The following FAT1 variants were observed in gnomAD, a reference collection of about 807,000 sequenced individuals.
FAT1 encodes FAT atypical cadherin 1.
FAT1 carries 171 observed loss-of-function variants against 329.8 expected under a neutral mutation model. The observed-to-expected ratio is 0.52, with a 90% CI of 0.46 to 0.59. The LOEUF (loss-of-function observed/expected upper bound fraction) is 0.59. Among genes scored for constraint, FAT1 ranks in the 20% least tolerant of loss-of-function variants. The pLI is 0.00. For missense variants in FAT1, 5,672 were observed against 5,774.4 expected (o/e 0.98, Z 0.57); for synonymous variants, 2,233 against 2,228.6 (o/e 1.00, Z -0.06).
At chr4:186,684,472 C>G (rs1179921239) in intron 2 of FAT1, among the ~76,000 whole-genome samples, 1 of 152,162 alleles carries the variant, frequency 6.6e-6, no homozygotes, top group Non-Finnish European at 1.5e-5. Flanking sequence ...TGCTCCTCCC[C>G]GGGATGCACC....
At chr4:186,705,238 C>T (rs1297299138) in intron 2 of FAT1, among the ~76,000 whole-genome samples, 1 of 152,006 alleles carries the variant, frequency 6.6e-6, no homozygotes, top group Non-Finnish European at 1.5e-5. Context: ...GCCATCGCAC[C>T]CAGCCCAAAA....
At chr4:186,657,461 C>T (rs1438573426) in intron 3 of FAT1, among the ~76,000 whole-genome samples, 1 of 152,014 alleles carries the variant, frequency 6.6e-6, no homozygotes, top group African/African-American at 2.4e-5. Flanking sequence ...AGAAAGCACA[C>T]CAGCATTTGA....
chr4:186,645,222 C>T (rs1244688888), intron 3 of FAT1, among the ~76,000 whole-genome samples: 7 of 151,360 alleles, frequency 4.6e-5, no homozygotes, highest in South Asian at 2.1e-4. Context: ...AAGAAGCACC[C>T]GGCAGAACCC....
intron 9 of FAT1, among the ~76,000 whole-genome samples, chr4:186,624,300 A>G (rs776847852): frequency 6.6e-6 from 1 of 152,206 alleles, no homozygotes; most frequent in Non-Finnish European, 1.5e-5. Flanking sequence ...GCTATTAAGT[A>G]TATTACACAG....
In FAT1 at chr4:186,597,812, A is replaced by T. The variant is rs2126400303; in HGVS notation, c.12258-20T>A. The T allele has an allele frequency of 6.2e-7, 1 of 1,602,432 alleles. No individual in the cohort carries two copies. The highest frequency in any genetic ancestry group is 8.6e-7 in the Non-Finnish European group (1 of 1,169,542). On this transcript the variant is annotated intron_variant, in intron 23 of 26. Coordinates refer to ENST00000441802, the MANE Select transcript of FAT1 (RefSeq NM_005245.4). ...TGACACCTGAAGAGTAAGGAGAAAC[A>T]GACATAAACCTCATGATCCTATTGC... is the stretch of plus-strand genomic sequence containing the variant.
intron 2 of FAT1, among the ~76,000 whole-genome samples, chr4:186,679,191 A>C (rs1029460966): frequency 6.6e-6 from 1 of 152,072 alleles, no homozygotes; most frequent in African/African-American, 2.4e-5. Context: ...CCATCCTGGC[A>C]AACACAGAAA....
chr4:186,669,430 G>A (rs1191108940), intron 2 of FAT1, among the ~76,000 whole-genome samples: 1 of 152,220 alleles, frequency 6.6e-6, no homozygotes, highest in Non-Finnish European at 1.5e-5. Flanking sequence ...TGTTACGTGT[G>A]CCACTCAGCA....
intron 3 of FAT1, among the ~76,000 whole-genome samples, chr4:186,658,092 C>A (rs1317087928): frequency 6.6e-6 from 1 of 152,150 alleles, no homozygotes. Context: ...TTAAAAGAAG[C>A]ACATTTACCC....
chr4:186,632,830 ACCTTGTT>A (rs1740656159), intron 7 of FAT1, among the ~76,000 whole-genome samples: 1 of 152,224 alleles, frequency 6.6e-6, no homozygotes, highest in African/African-American at 2.4e-5. Context: ...ACTCAGATGC[ACCTTGTT>A]CTCTGACATT....
Position 186,636,701 on chromosome 4 carries a change from C to T in FAT1, c.3856G>A (p.Glu1286Lys). Residue 1286 changes from glutamate (E) to lysine (K), a missense_variant, in exon 5 of 27, where the codon GAA becomes AAA. Physicochemically the swap from Glu to Lys is moderately conservative, Grantham distance 56. Transcript: ENST00000441802. Reference protein sequence around the residue: ...ATDKDEGPNAEISYSIEDGNE... With the variant: ...ATDKDEGPNAKISYSIEDGNE... The stretch of plus-strand genomic sequence containing the variant: ...CCGTCTTCGATGCTGTAGGAGATTT[C>T]TGCATTGGGGCCCTCATCCTTGTCG... 1 of 1,613,882 alleles carries T rather than the reference C, an allele frequency of 6.2e-7. No homozygotes were observed. Among genetic ancestry groups the T allele is most frequent in the Non-Finnish European group, 8.5e-7 (1 of 1,179,856 alleles).
At chr4:186,653,357 G>T (rs755606226) in intron 3 of FAT1, among the ~76,000 whole-genome samples, 4 of 152,278 alleles carry the variant, frequency 2.6e-5, no homozygotes, top group African/African-American at 4.8e-5. Flanking sequence ...TCTCAACCTT[G>T]ATACTGATAC....
At chr4:186,651,806 C>G (rs977550323) in intron 3 of FAT1, among the ~76,000 whole-genome samples, 1 of 152,174 alleles carries the variant, frequency 6.6e-6, no homozygotes, top group Non-Finnish European at 1.5e-5. Context: ...CGGAGATCTC[C>G]GCAGCACCGC....
Position 186,600,323 on chromosome 4 carries a change from C to T in FAT1, c.11678G>A (p.Gly3893Glu), listed in dbSNP as rs2126415009. 1 of 1,613,494 alleles carries T rather than the reference C, an allele frequency of 6.2e-7. No individual in the cohort carries two copies. ...AACAGAGACAATTCCAGGGCCACTTCCACAGTCAAACTTGTACTGCAGCCT... is the reference window on the plus strand; with the variant it reads ...AACAGAGACAATTCCAGGGCCACTTTCACAGTCAAACTTGTACTGCAGCCT... ...HGRLQYKFDCGSGPGIVSVQS... is the reference protein window; with the variant it reads ...HGRLQYKFDCESGPGIVSVQS... Residue 3893 changes from glycine to glutamate, a missense_variant, in exon 22 of 27, where the codon GGA becomes GAA. Coordinates refer to ENST00000441802, the MANE Select transcript of FAT1 (RefSeq NM_005245.4).
chr4:186,651,215 TG>T lies in FAT1; in HGVS notation c.3581-11433del. On this transcript the variant is annotated intron_variant, in intron 3 of 26. Coordinates refer to ENST00000441802, the MANE Select transcript of FAT1 (RefSeq NM_005245.4). ...CTACAGAAATAACAGACTGTAACTG[TG>T]GAACTCCAGATAGCACCTGACTGTC... Among the ~76,000 whole-genome samples the T allele has an allele frequency of 2.0e-5, 3 of 151,930 alleles. 1 individual carries two copies. In the South Asian group the frequency reaches 6.2e-4, roughly 32 times the overall value.
At chr4:186,649,809 C>G (rs2126592260) in intron 3 of FAT1, among the ~76,000 whole-genome samples, 1 of 152,174 alleles carries the variant, frequency 6.6e-6, no homozygotes, top group South Asian at 2.1e-4. Flanking sequence ...AAATTAATGG[C>G]TTTATTGAGG....
chr4:186,636,710 G>C lies in FAT1; in HGVS notation c.3847C>G (p.Pro1283Ala), dbSNP rs771472891. ...HVIATDKDEG[P>A]NAEISYSIED... ...ATGCTGTAGGAGATTTCTGCATTGG[G>C]GCCCTCATCCTTGTCGGTGGCTATG... The change falls in exon 5 of 27, where the codon CCC (proline) becomes GCC (alanine). Residue 1283 changes from proline to alanine, a missense_variant. Physicochemically the swap from Pro to Ala is conservative, Grantham distance 27. Around this residue, in one of 2 missense-constraint regions of FAT1, gnomAD observed 3,966 missense variants for 3,915.2 expected, o/e 1.01. Coordinates refer to ENST00000441802, the MANE Select transcript of FAT1 (RefSeq NM_005245.4). 6.2e-7 allele frequency: 1 copy of C among 1,613,738 alleles called. No individual in the cohort carries two copies. Among genetic ancestry groups the C allele is most frequent in the Non-Finnish European group, 8.5e-7 (1 of 1,179,824 alleles).
At chr4:186,723,978 C>T (rs1247678154), upstream of FAT1, 2 of 150,666 alleles carry the variant, frequency 1.3e-5, no homozygotes, top group African/African-American at 4.9e-5. Context: ...GGCTCGGCCA[C>T]GCAGTCCCGC....
rs80338553 is a variant in FAT1, at chr4:186,706,029, C to T, written c.3265+534G>A. On this transcript the variant is annotated intron_variant, in intron 2 of 26. Coordinates refer to ENST00000441802, the MANE Select transcript of FAT1 (RefSeq NM_005245.4). ...TTCTCAGTTCAGCATGCCACTACCC[C>T]GCCTCTGCCTCTCGACCAAAACCTA... Among the ~76,000 whole-genome samples the T allele has an allele frequency of 4.9e-3, 741 of 152,238 alleles. 5 individuals carry two copies. Among genetic ancestry groups the T allele is most frequent in the African/African-American group, 0.017 (694 of 41,528 alleles).
In FAT1 at chr4:186,708,941, G is replaced by A. The variant is rs749604683; in HGVS notation, c.887C>T (p.Ala296Val). The change falls in exon 2 of 27, where the codon GCA becomes GTA. Residue 296 changes from alanine (A) to valine (V), a missense_variant. This residue lies in a region of FAT1 where 3,966 missense variants were observed against 3,915.2 expected (regional missense o/e 1.01). Coordinates refer to ENST00000441802, the MANE Select transcript of FAT1 (RefSeq NM_005245.4). ...NGDIASLSIV[A>V]GDLLQQFRTV... ...TCTAAACTGCTGGAGAAGGTCACCTGCCACGATGCTTAAAGATGCTATGTC... is the reference window on the plus strand; with the variant it reads ...TCTAAACTGCTGGAGAAGGTCACCTACCACGATGCTTAAAGATGCTATGTC... The A allele has an allele frequency of 6.2e-7, 1 of 1,614,004 alleles. No homozygotes were observed. The highest frequency in any genetic ancestry group is 1.1e-5 in the South Asian group (1 of 91,080).
Sources: allele counts gnomAD v4.1 joint callset (sites outside exome capture counted in the v4.1 genomes callset), GRCh38; gene constraint gnomAD v4.1.1; regional missense constraint gnomAD v4.1.1; transcripts MANE v1.5; gene names NCBI Gene and HGNC (gene_info 2026-07-23, HGNC 2026-07-21).